Variants in SCAF4 observed in about 807,000 individuals in gnomAD.
The protein encoded by SCAF4 is SR-related and CTD-associated factor 4.
A neutral mutation model predicts 129.8 loss-of-function variants in SCAF4; 25 were observed. The ratio of observed to expected loss-of-function variants is 0.19; its 90% CI spans 0.14 to 0.27. SCAF4 has a LOEUF of 0.27. SCAF4 is among the 10% of genes least tolerant of loss of function. The pLI, the probability that SCAF4 is intolerant of heterozygous loss-of-function variation, is 1.00. For missense variants in SCAF4, 1,246 were observed against 1,457.1 expected, an observed-to-expected ratio of 0.86 and a Z score of 2.36; for synonymous variants, 551 against 497.7, an observed-to-expected ratio of 1.11 and a Z score of -1.43.
Position 31,731,818 on chromosome 21 carries a change from G to C in SCAF4, c.-126C>G, listed in dbSNP as rs1255077954. 3.5e-6 allele frequency: 4 copies of C among 1,132,088 alleles called. No individual in the cohort carries two copies. The East Asian group carries it at 9.3e-5, about 26-fold the overall frequency. The allele number at this position is 1,132,088 out of a possible 1,614,324, so 70.1% of individuals were successfully genotyped here. On this transcript the variant is annotated 5_prime_UTR_variant, in exon 1 of 20. Coordinates refer to ENST00000286835, the MANE Select transcript of SCAF4 (RefSeq NM_020706.2). ...GGAGGCGACGAGCGGCGGAGTCCGAGGCCCGGGCAGGAAGAGGCTGCGCCC... is the reference window on the plus strand; with the variant it reads ...GGAGGCGACGAGCGGCGGAGTCCGACGCCCGGGCAGGAAGAGGCTGCGCCC...
intron 3 of SCAF4, 120 bp downstream of exon 3, chr21:31,705,303 G>T: frequency 2.0e-6 from 1 of 503,724 alleles, no homozygotes; most frequent in Non-Finnish European, 3.6e-6. Context: ...TGATTAAAAA[G>T]AACCTCTAGT....
chr21:31,702,492 G>A (rs2050558262), intron 4 of SCAF4, 113 bp from the exon 5 acceptor site: 2 of 927,256 alleles, frequency 2.2e-6, no homozygotes, highest in South Asian at 3.5e-5. Context: ...CATACTATGT[G>A]TGTTTCATAA....
chr21:31,723,676 A>G (rs1391337690), intron 1 of SCAF4, among the ~76,000 whole-genome samples: 1 of 151,320 alleles, frequency 6.6e-6, no homozygotes, highest in Non-Finnish European at 1.5e-5. Flanking sequence ...CTTTCTGGCC[A>G]TTTCCATTAC....
At chr21:31,709,738 G>GGT (rs993340210) in intron 1 of SCAF4, among the ~76,000 whole-genome samples, 3 of 151,872 alleles carry the variant, frequency 2.0e-5, no homozygotes, top group African/African-American at 7.3e-5. Flanking sequence ...GAAGAGAAGA[G>GGT]GTAACCAACA....
At position 31,671,850 on chromosome 21, in the gene SCAF4, T is replaced by C; in HGVS notation, c.2993A>G (p.Glu998Gly). 1 of 1,614,188 alleles carries C rather than the reference T, an allele frequency of 6.2e-7. No homozygotes were observed. Among genetic ancestry groups the C allele is most frequent in the Non-Finnish European group, 8.5e-7 (1 of 1,180,028 alleles). The change falls in exon 20 of 20, where the codon GAA becomes GGA. Residue 998 changes from glutamate (E) to glycine (G), a missense_variant. Coordinates refer to ENST00000286835, the MANE Select transcript of SCAF4 (RefSeq NM_020706.2). ...RQQFNSGRDQ[E>G]RFGRRSFGNR... ...TCCAAAAGATCTTCTTCCAAACCTT[T>C]CTTGGTCTCTACCTGAATTGAACTG...
At position 31,689,778 on chromosome 21, in the gene SCAF4, C is replaced by CA. The variant is rs1485831645; in HGVS notation, c.1885+1018dup. Among the ~76,000 whole-genome samples, 17 of 150,632 alleles carry CA rather than the reference C, an allele frequency of 1.1e-4. No individual in the cohort carries two copies. In the East Asian group the frequency reaches 2.9e-3, roughly 25 times the overall value. On this transcript the variant is annotated intron_variant, in intron 15 of 19. Transcript: ENST00000286835. Reference sequence around the variant, plus strand: ...ACCCCTTCTCTACTAAAAAAAATACCAAAAAAATTAGCATGGCACGGTGGC... The same window carrying CA: ...ACCCCTTCTCTACTAAAAAAAATACCAAAAAAAATTAGCATGGCACGGTGGC...
At position 31,671,967 on chromosome 21, in the gene SCAF4, G is replaced by A. The variant is rs1434155884; in HGVS notation, c.2876C>T (p.Pro959Leu). 6.2e-7 allele frequency: 1 copy of A among 1,608,312 alleles called. No individual in the cohort carries two copies. Among genetic ancestry groups the A allele is most frequent in the Non-Finnish European group, 8.5e-7 (1 of 1,175,480 alleles). ...QQPQPQAPQQPQQQQQQQPPP... is the reference protein window; with the variant it reads ...QQPQPQAPQQLQQQQQQQPPP... ...TGGCTGCTGCTGCTGCTGCTGCTGTGGTTGCTGGGGCGCCTGCGGCTGTGG... is the reference window on the plus strand; with the variant it reads ...TGGCTGCTGCTGCTGCTGCTGCTGTAGTTGCTGGGGCGCCTGCGGCTGTGG... Residue 959 changes from proline (P) to leucine (L), a missense_variant, in exon 20 of 20, where the codon CCA becomes CTA. Around this residue, in one of 6 missense-constraint regions of SCAF4, gnomAD observed 339 missense variants for 325.0 expected, o/e 1.04. Coordinates refer to ENST00000286835, the MANE Select transcript of SCAF4 (RefSeq NM_020706.2).
chr21:31,725,384 C>CAGGT (rs917874436), intron 1 of SCAF4, among the ~76,000 whole-genome samples: 3 of 152,134 alleles, frequency 2.0e-5, no homozygotes, highest in Non-Finnish European at 4.4e-5. Flanking sequence ...AAGGGAGTAC[C>CAGGT]AAGCTCCCAC....
chr21:31,676,767 A>G (rs557841041), intron 19 of SCAF4, among the ~76,000 whole-genome samples: 1 of 152,292 alleles, frequency 6.6e-6, no homozygotes, highest in South Asian at 2.1e-4. Context: ...ATATTCACAG[A>G]ATTGGGCAAC....
chr21:31,696,306 A>C, intron 8 of SCAF4, 85 bp from the exon 9 acceptor site: 1 of 1,009,986 alleles, frequency 9.9e-7, no homozygotes, highest in Non-Finnish European at 1.5e-6. Flanking sequence ...AGTGTTGTTC[A>C]TGAGTCATTA....
chr21:31,693,993 T>C (rs1478140336), intron 11 of SCAF4, among the ~76,000 whole-genome samples: 2 of 152,106 alleles, frequency 1.3e-5, no homozygotes, highest in African/African-American at 4.8e-5. Context: ...TCTGAGCAAC[T>C]TAAATATAGG....
At chr21:31,676,588 C>CT (rs1436474691) in intron 19 of SCAF4, among the ~76,000 whole-genome samples, 1 of 152,166 alleles carries the variant, frequency 6.6e-6, no homozygotes, top group African/African-American at 2.4e-5. Flanking sequence ...GGCCAGTAAT[C>CT]TAACATTTTC....
At chr21:31,726,187 A>C (rs1347156981) in intron 1 of SCAF4, among the ~76,000 whole-genome samples, 1 of 151,966 alleles carries the variant, frequency 6.6e-6, no homozygotes, top group Non-Finnish European at 1.5e-5. Flanking sequence ...CTGGGATTAC[A>C]GGCGCCCGCC....
In SCAF4 at chr21:31,731,670, T is replaced by C; in HGVS notation, c.23A>G (p.Asn8Ser). The C allele has an allele frequency of 6.3e-7, 1 of 1,585,584 alleles. No individual in the cohort carries two copies. Among genetic ancestry groups the C allele is most frequent in the Non-Finnish European group, 8.5e-7 (1 of 1,170,864 alleles). ...GCCCCAAACACCCCTTACCTCCTGG[T>C]TGAAGGCGTTGACGGCGTCCATGTT... MDAVNAFNQELFSLMDMK... is the reference protein window; with the variant it reads MDAVNAFSQELFSLMDMK... The change falls in exon 1 of 20, where the codon AAC becomes AGC. Residue 8 changes from asparagine (N) to serine (S), a missense_variant. By Grantham distance (46) the Asn-to-Ser change is conservative. This residue lies in a region of SCAF4 where 56 missense variants were observed against 139.4 expected (regional missense o/e 0.40). Coordinates refer to ENST00000286835, the MANE Select transcript of SCAF4 (RefSeq NM_020706.2).
chr21:31,672,079 G>A lies in SCAF4; in HGVS notation c.2764C>T (p.Pro922Ser). The A allele has an allele frequency of 3.1e-6, 5 of 1,613,460 alleles. No individual in the cohort carries two copies. The highest frequency in any genetic ancestry group is 1.7e-5 in the Admixed American group (1 of 60,000). ...CCTGGCCCTGGGCCCCCGAGCCCTG[G>A]CATTCCACCAGGCCTAACAAAGGGG... Reference protein sequence around the residue: ...HGPFVRPGGMPGLGGPGPGPG... With the variant: ...HGPFVRPGGMSGLGGPGPGPG... Residue 922 changes from proline (P) to serine (S), a missense_variant, in exon 20 of 20, where the codon CCA becomes TCA. This residue lies in a region of SCAF4 where 339 missense variants were observed against 325.0 expected (regional missense o/e 1.04). Coordinates refer to ENST00000286835, the MANE Select transcript of SCAF4 (RefSeq NM_020706.2).
Position 31,685,564 on chromosome 21 carries a change from G to A in SCAF4, c.2209+4C>T. 1 of 1,614,116 alleles carries A rather than the reference G, an allele frequency of 6.2e-7. No individual in the cohort carries two copies. Among genetic ancestry groups the A allele is most frequent in the Non-Finnish European group, 8.5e-7 (1 of 1,179,976 alleles). On this transcript the variant is annotated splice_donor_region_variant and intron_variant, in intron 17 of 19. Transcript: ENST00000286835. ...AAAGTATGTTCACAGACAATTTAGTGTACCTGGTGGTAAATGCATTGGGTT... is the reference window on the plus strand; with the variant it reads ...AAAGTATGTTCACAGACAATTTAGTATACCTGGTGGTAAATGCATTGGGTT...
chr21:31,699,447 T>C (rs577399890), intron 7 of SCAF4, among the ~76,000 whole-genome samples: 2 of 151,774 alleles, frequency 1.3e-5, no homozygotes, highest in Non-Finnish European at 2.9e-5. Flanking sequence ...CGAACAAATC[T>C]GTTCAAACTG....
chr21:31,689,517 C>T (rs1462084003), intron 15 of SCAF4, among the ~76,000 whole-genome samples: 3 of 147,890 alleles, frequency 2.0e-5, no homozygotes, highest in African/African-American at 7.5e-5. Context: ...ACCATGTTGG[C>T]CAGGCTGGTC....
chr21:31,700,923 C>T, intron 7 of SCAF4, 72 bp downstream of exon 7: 2 of 1,454,582 alleles, frequency 1.4e-6, no homozygotes, highest in East Asian at 2.3e-5. Context: ...AGAAGGGATA[C>T]AGAAGTGATA....
Sources: allele counts gnomAD v4.1 joint callset (sites outside exome capture counted in the v4.1 genomes callset), GRCh38; gene constraint gnomAD v4.1.1; regional missense constraint gnomAD v4.1.1; transcripts MANE v1.5; gene names NCBI Gene and HGNC (gene_info 2026-07-23, HGNC 2026-07-21).